Variants in ACKR3 observed in about 807,000 individuals in gnomAD.
ACKR3 encodes the protein atypical chemokine receptor 3, also known as C-X-C chemokine receptor type 7.
A neutral mutation model predicts 22.4 loss-of-function variants in ACKR3; 6 were observed. The ratio of observed to expected loss-of-function variants is 0.27; its 90% CI spans 0.15 to 0.53. The LOEUF (loss-of-function observed/expected upper bound fraction) is 0.53, where lower values mean the gene tolerates loss of function less well. ACKR3 is among the 20% of genes least tolerant of loss of function. The pLI, the probability that ACKR3 is intolerant of heterozygous loss-of-function variation, is 0.96. For synonymous variants in ACKR3, 209 were observed against 205.2 expected (o/e 1.02, Z -0.16); for missense variants, 396 against 475.2 (o/e 0.83, Z 1.55).
chr2:236,548,212 A>G, the ACKR3 span, among the ~76,000 whole-genome samples: 11,740 of 151,674 alleles, frequency 0.077, 1,397 homozygotes, highest in African/African-American at 0.26. This position sits in a 1 kb window ranked among gnomAD's most constrained non-coding sequence, Gnocchi z 4.3. Flanking sequence ...GGGTTTTTTC[A>G]TGTATTTTAT....
rs750743979 is a variant in ACKR3, at chr2:236,581,083, G to A, written c.618G>A (p.Lys206=). The change falls in exon 2 of 2, where the codon AAG becomes AAA. Residue 206 remains lysine, a synonymous_variant. Coordinates refer to ENST00000272928, the MANE Select transcript of ACKR3 (RefSeq NM_020311.3). This position sits in a 1 kb window ranked among gnomAD's most constrained non-coding sequence, Gnocchi z 4.4. The stretch of plus-strand genomic sequence containing the variant: ...CCTTCTACCCCGAGCACAGCATCAA[G>A]GAGTGGCTGATCGGCATGGAGCTGG... ...CRSFYPEHSI[K]EWLIGMELVS... is the part of the protein sequence containing the mutation. 1 of 1,614,122 alleles carries A rather than the reference G, an allele frequency of 6.2e-7. No homozygotes were observed. Among genetic ancestry groups the A allele is most frequent in the Non-Finnish European group, 8.5e-7 (1 of 1,180,048 alleles).
chr2:236,538,467 G>A, the ACKR3 span, among the ~76,000 whole-genome samples: 1 of 152,204 alleles, frequency 6.6e-6, no homozygotes, highest in Non-Finnish European at 1.5e-5. Flanking sequence ...GACCTTGGAT[G>A]GATGGCAAGA....
At chr2:236,580,344 A>G (rs1281156230) in intron 1 of ACKR3, 96 bp from the exon 2 acceptor site, 3 of 1,339,028 alleles carry the variant, frequency 2.2e-6, no homozygotes, top group African/African-American at 1.5e-5. Context: ...TGAGCCTATC[A>G]GGGCCTTGGA....
intron 1 of ACKR3, 142 bp downstream of exon 1, chr2:236,570,066 C>T (rs1691276681): frequency 6.6e-6 from 1 of 152,232 alleles, no homozygotes; most frequent in African/African-American, 2.4e-5. Flanking sequence ...TTTCTGAAAA[C>T]CCAGGCTGCA....
At chr2:236,550,259 C>T in the ACKR3 span, among the ~76,000 whole-genome samples, 2 of 152,338 alleles carry the variant, frequency 1.3e-5, no homozygotes, top group Admixed American at 1.3e-4. This position sits in a 1 kb window ranked among gnomAD's most constrained non-coding sequence, Gnocchi z 4.6. Flanking sequence ...GTCCACTGGA[C>T]ACGTAATGTG....
At chr2:236,549,405 C>T in the ACKR3 span, among the ~76,000 whole-genome samples, 97 of 152,222 alleles carry the variant, frequency 6.4e-4, 1 homozygote, top group Admixed American at 6.3e-3. The surrounding 1 kb of genome is among the most constrained non-coding windows in gnomAD (Gnocchi z 5.3). Flanking sequence ...AGGTATCCTG[C>T]ATTCCTCCTT....
chr2:236,573,655 T>C (rs903990585), intron 1 of ACKR3, among the ~76,000 whole-genome samples: 1 of 152,242 alleles, frequency 6.6e-6, no homozygotes, highest in African/African-American at 2.4e-5. Context: ...AGGCCTGGCC[T>C]GAGTTATCTT....
chr2:236,547,839 T>A, the ACKR3 span, among the ~76,000 whole-genome samples: 1 of 111,444 alleles, frequency 9.0e-6, no homozygotes, highest in Non-Finnish European at 1.7e-5. Flanking sequence ...CTTTCATTCA[T>A]TTTTTTTTTT....
upstream of ACKR3, among the ~76,000 whole-genome samples, chr2:236,566,022 A>G (rs377501301): frequency 1.9e-3 from 292 of 152,346 alleles, no homozygotes; most frequent in African/African-American, 6.7e-3. Context: ...CTCATATCAC[A>G]GTCACCATAA....
chr2:236,558,466 A>G, the ACKR3 span, among the ~76,000 whole-genome samples: 3 of 152,200 alleles, frequency 2.0e-5, no homozygotes, highest in African/African-American at 7.2e-5. Flanking sequence ...CCTGTTCTCA[A>G]TCTGGTCTGG....
At position 236,574,652 on chromosome 2, in the gene ACKR3, C is replaced by A. The variant is rs1691370821; in HGVS notation, c.-27+4728C>A. Among the ~76,000 whole-genome samples the A allele has an allele frequency of 6.6e-6, 1 of 152,140 alleles. No homozygotes were observed. The highest frequency in any genetic ancestry group is 1.5e-5 in the Non-Finnish European group (1 of 68,028). Reference sequence around the variant, plus strand: ...TGCTGATTGCATACTCAGCCACCACCCATGAAGGCTCTAAACCTGAGTACC... The same window carrying A: ...TGCTGATTGCATACTCAGCCACCACACATGAAGGCTCTAAACCTGAGTACC... On this transcript the variant is annotated intron_variant, in intron 1 of 1. Transcript: ENST00000272928. This position sits in a 1 kb window ranked among gnomAD's most constrained non-coding sequence, Gnocchi z 5.6.
the ACKR3 span, among the ~76,000 whole-genome samples, chr2:236,550,077 G>A: frequency 2.0e-5 from 3 of 152,284 alleles, no homozygotes; most frequent in South Asian, 6.2e-4. The surrounding 1 kb of genome is among the most constrained non-coding windows in gnomAD (Gnocchi z 4.6). Context: ...TTCATCAACA[G>A]CTCCAGTTCT....
intron 1 of ACKR3, among the ~76,000 whole-genome samples, chr2:236,575,629 T>G (rs1574975410): frequency 1.6e-5 from 2 of 121,336 alleles, no homozygotes. Context: ...GTGTCTGGGG[T>G]TGTGCTGTGT....
At chr2:236,576,500 G>A (rs1691414310) in intron 1 of ACKR3, among the ~76,000 whole-genome samples, 1 of 152,190 alleles carries the variant, frequency 6.6e-6, no homozygotes, top group Non-Finnish European at 1.5e-5. Flanking sequence ...TGAGAACCAG[G>A]GGCCCTGGGT....
At chr2:236,559,240 G>C in the ACKR3 span, among the ~76,000 whole-genome samples, 1 of 152,214 alleles carries the variant, frequency 6.6e-6, no homozygotes, top group Non-Finnish European at 1.5e-5. Context: ...TTCTATTCGG[G>C]GTTTTTTCTT....
chr2:236,561,489 G>A, the ACKR3 span, among the ~76,000 whole-genome samples: 1 of 151,522 alleles, frequency 6.6e-6, no homozygotes, highest in Non-Finnish European at 1.5e-5. Context: ...GTGTTTCAAG[G>A]TGATATATAC....
chr2:236,550,199 C>T, the ACKR3 span, among the ~76,000 whole-genome samples: 657 of 152,286 alleles, frequency 4.3e-3, 8 homozygotes, highest in African/African-American at 0.015. The surrounding 1 kb of genome is among the most constrained non-coding windows in gnomAD (Gnocchi z 4.6). Context: ...ACAGTGAAGG[C>T]GGTGTGTGAG....
the ACKR3 span, among the ~76,000 whole-genome samples, chr2:236,559,237 C>G: frequency 6.6e-6 from 1 of 152,108 alleles, no homozygotes; most frequent in Non-Finnish European, 1.5e-5. Context: ...ACTTTCTATT[C>G]GGGGTTTTTT....
At chr2:236,550,342 T>A in the ACKR3 span, among the ~76,000 whole-genome samples, 1 of 152,206 alleles carries the variant, frequency 6.6e-6, no homozygotes, top group Non-Finnish European at 1.5e-5. This position sits in a 1 kb window ranked among gnomAD's most constrained non-coding sequence, Gnocchi z 4.6. Flanking sequence ...TGCGCACACA[T>A]CTGCCAGGCC....
Sources: gnomAD v4.1 joint callset for allele counts (sites outside exome capture counted in the v4.1 genomes callset) on GRCh38, gnomAD v4.1.1 for gene constraint, Gnocchi (gnomAD v3.1) non-coding constraint, MANE v1.5 for transcripts, NCBI Gene and HGNC (gene_info 2026-07-23, HGNC 2026-07-21) for gene names.